NUBPL: variants seen among roughly 807,000 people sequenced by gnomAD.
NUBPL encodes NUBP iron-sulfur cluster assembly factor, mitochondrial, also known as iron-sulfur cluster transfer protein NUBPL.
NUBPL carries 31 observed loss-of-function variants against 45.7 expected under a neutral mutation model. That is an observed-to-expected ratio of 0.68 (90% CI 0.51 to 0.92). The LOEUF (loss-of-function observed/expected upper bound fraction) is 0.92. Ranked by LOEUF, NUBPL falls within the 40% of genes least tolerant of loss-of-function variation. The probability of loss-of-function intolerance (pLI) is 0.00; values close to 1 mark genes in which losing one functional copy is unlikely to be tolerated. For missense variants in NUBPL, 401 were observed against 398.7 expected (o/e 1.01, Z -0.05); for synonymous variants, 144 against 140.9 (o/e 1.02, Z -0.15).
intron 7 of NUBPL, among the ~76,000 whole-genome samples, chr14:31,807,894 T>G (rs1206086545): frequency 7.9e-5 from 12 of 152,128 alleles, no homozygotes; most frequent in Admixed American, 2.0e-4. Flanking sequence ...TTTCCCCATT[T>G]CTTGTTTTTG....
chr14:31,728,088 TG>T (rs963212823), intron 6 of NUBPL, among the ~76,000 whole-genome samples: 1 of 152,134 alleles, frequency 6.6e-6, no homozygotes, highest in African/African-American at 2.4e-5. Flanking sequence ...GTATAGAAGC[TG>T]TCAACTGAAA....
intron 4 of NUBPL, among the ~76,000 whole-genome samples, chr14:31,666,074 C>A (rs569806758): frequency 6.7e-5 from 10 of 150,180 alleles, no homozygotes; most frequent in African/African-American, 2.4e-4. Flanking sequence ...TTCCATTTGC[C>A]TGGTAAATAT....
chr14:31,767,425 G>A (rs1179119264), intron 6 of NUBPL, among the ~76,000 whole-genome samples: 3 of 152,074 alleles, frequency 2.0e-5, no homozygotes, highest in Non-Finnish European at 4.4e-5. Flanking sequence ...GTGTTAGCTA[G>A]GATGGTCTCT....
intron 7 of NUBPL, among the ~76,000 whole-genome samples, chr14:31,799,359 AG>A (rs1225214728): frequency 6.6e-6 from 1 of 152,196 alleles, no homozygotes; most frequent in East Asian, 1.9e-4. Context: ...GTTCTCCACA[AG>A]TAAGGGTAGA....
chr14:31,764,037 T>A lies in NUBPL; in HGVS notation c.514-23743T>A, dbSNP rs1487114414. On this transcript the variant is annotated intron_variant, in intron 6 of 10. Coordinates refer to ENST00000281081, the MANE Select transcript of NUBPL (RefSeq NM_025152.3). ...ATCTTACTTGAGAAACCATAGATGA[T>A]TGAGTTAGTTAGTTTTGATATAGAA... 2.0e-5 allele frequency among the ~76,000 whole-genome samples: 3 copies of A among 152,068 alleles called. No homozygotes were observed. The East Asian group carries it at 5.8e-4, about 29-fold the overall frequency.
intron 4 of NUBPL, among the ~76,000 whole-genome samples, chr14:31,645,767 A>G (rs1349274548): frequency 8.1e-6 from 1 of 124,176 alleles, no homozygotes; most frequent in Non-Finnish European, 1.7e-5. Flanking sequence ...AAACTTCTAT[A>G]CTTTACACCC....
At chr14:31,662,696 A>C (rs1438404578) in intron 4 of NUBPL, among the ~76,000 whole-genome samples, 1 of 152,108 alleles carries the variant, frequency 6.6e-6, no homozygotes, top group African/African-American at 2.4e-5. Flanking sequence ...TATATTCTTT[A>C]TCCAGTCCAT....
At chr14:31,588,759 C>CA (rs202112067) in intron 3 of NUBPL, among the ~76,000 whole-genome samples, 10 of 147,142 alleles carry the variant, frequency 6.8e-5, no homozygotes, top group South Asian at 2.1e-4. Flanking sequence ...ACTAAAAATA[C>CA]AAAAAAAAAA....
chr14:31,845,955 T>A (rs953721788), intron 8 of NUBPL: 8 of 160,572 alleles, frequency 5.0e-5, no homozygotes, highest in African/African-American at 1.9e-4. Flanking sequence ...CCTTTAGTGG[T>A]TTCCTGTTGT....
intron 6 of NUBPL, among the ~76,000 whole-genome samples, chr14:31,783,553 T>C (rs1432592413): frequency 6.8e-6 from 1 of 147,238 alleles, no homozygotes; most frequent in African/African-American, 2.5e-5. Flanking sequence ...AGAGTCTTGC[T>C]GTCACCCAGG....
chr14:31,604,153 G>A (rs1328414076), intron 4 of NUBPL, among the ~76,000 whole-genome samples: 2 of 142,930 alleles, frequency 1.4e-5, no homozygotes, highest in African/African-American at 5.2e-5. Flanking sequence ...GGGTAAAGAC[G>A]AGGTACTGGA....
chr14:31,625,927 C>T (rs928775748), intron 4 of NUBPL, among the ~76,000 whole-genome samples: 4 of 151,956 alleles, frequency 2.6e-5, no homozygotes, highest in Non-Finnish European at 2.9e-5. Flanking sequence ...CCCTGTACCC[C>T]GATAAGGCTT....
chr14:31,854,272 C>T (rs1478289741), intron 10 of NUBPL, among the ~76,000 whole-genome samples: 1 of 152,074 alleles, frequency 6.6e-6, no homozygotes, highest in Non-Finnish European at 1.5e-5. Flanking sequence ...GATGACCTAA[C>T]AAAAAGATCT....
Position 31,846,291 on chromosome 14 carries a change from A to G in NUBPL, c.694-180A>G, listed in dbSNP as rs559063690. 129 of 601,104 alleles carry G rather than the reference A, an allele frequency of 2.1e-4. No individual in the cohort carries two copies. In the African/African-American group the frequency reaches 2.2e-3, roughly 10 times the overall value. 37.2% of individuals were successfully genotyped at this position (601,104 alleles called of 1,614,324 possible). A position where few individuals can be genotyped will look rare whatever the true frequency, so the allele number is the denominator to read the frequency against. The stretch of plus-strand genomic sequence containing the variant: ...ATTATGATATCAAAGGTAATTCTAT[A>G]TGTCTTGCTCTCTTACTAGCTCATG... On this transcript the variant is annotated intron_variant, in intron 8 of 10. Transcript: ENST00000281081.
intron 4 of NUBPL, among the ~76,000 whole-genome samples, chr14:31,630,543 C>T (rs560489556): frequency 1.1e-4 from 17 of 152,220 alleles, no homozygotes; most frequent in African/African-American, 3.9e-4. Context: ...TTCTAGAAGT[C>T]CCTCCATATA....
chr14:31,818,544 T>G (rs1248585572), intron 7 of NUBPL, among the ~76,000 whole-genome samples: 2 of 151,820 alleles, frequency 1.3e-5, no homozygotes, highest in Non-Finnish European at 2.9e-5. Flanking sequence ...ACAGTTGATA[T>G]AGTTTTCTTT....
At chr14:31,639,538 G>T (rs916684522) in intron 4 of NUBPL, among the ~76,000 whole-genome samples, 1 of 152,204 alleles carries the variant, frequency 6.6e-6, no homozygotes, top group Non-Finnish European at 1.5e-5. Context: ...AGGGGTCAGG[G>T]ACCCACTTGA....
At chr14:31,592,148 A>C (rs1230116806) in intron 3 of NUBPL, among the ~76,000 whole-genome samples, 1 of 152,198 alleles carries the variant, frequency 6.6e-6, no homozygotes, top group African/African-American at 2.4e-5. Flanking sequence ...CTGAGGGAAG[A>C]GTATCTCAGG....
chr14:31,711,089 G>T (rs1186067501), intron 6 of NUBPL, among the ~76,000 whole-genome samples: 4 of 152,230 alleles, frequency 2.6e-5, no homozygotes, highest in African/African-American at 7.2e-5. Flanking sequence ...GGTCAGGATA[G>T]ATAGGATAGA....
Sources: allele counts gnomAD v4.1 joint callset (sites outside exome capture counted in the v4.1 genomes callset), GRCh38; gene constraint gnomAD v4.1.1; transcripts MANE v1.5; gene names NCBI Gene and HGNC (gene_info 2026-07-23, HGNC 2026-07-21).